DGAT2: variants seen among roughly 807,000 people sequenced by gnomAD.
The protein encoded by DGAT2 is diacylglycerol O-acyltransferase 2.
DGAT2 carries 33 observed loss-of-function variants against 48.4 expected under a neutral mutation model. The ratio of observed to expected loss-of-function variants is 0.68; its 90% CI spans 0.52 to 0.91. DGAT2 has a LOEUF of 0.91. DGAT2 is among the 40% of genes least tolerant of loss of function. DGAT2 has a pLI of 0.00. For missense variants in DGAT2, 446 were observed against 493.7 expected (o/e 0.90, Z 0.92); for synonymous variants, 191 against 194.1 (o/e 0.98, Z 0.13).
In DGAT2 at chr11:75,796,251, A is replaced by T. The variant is rs192137582; in HGVS notation, c.430-77A>T. 9.2e-6 allele frequency: 12 copies of T among 1,303,956 alleles called. No homozygotes were observed. The African/African-American group carries it at 1.6e-4, about 17-fold the overall frequency. 80.8% of individuals were successfully genotyped at this position (1,303,956 alleles called of 1,614,324 possible). A position where few individuals can be genotyped will look rare whatever the true frequency, so the allele number is the denominator to read the frequency against. On this transcript the variant is annotated intron_variant, in intron 4 of 7. Transcript: ENST00000228027. The stretch of plus-strand genomic sequence containing the variant: ...AGGTCCAGGGGAAATGACACATCCA[A>T]TCCCTCCCTACCCTCCGGGTATGCC...
At chr11:75,797,046 T>C in intron 5 of DGAT2, 112 bp from the exon 6 acceptor site, 2 of 1,097,772 alleles carry the variant, frequency 1.8e-6, no homozygotes, top group African/African-American at 1.6e-5. Flanking sequence ...GGGGCTGGGC[T>C]AGGTCTGGGG....
At chr11:75,777,486 T>C (rs1239246299) in intron 1 of DGAT2, among the ~76,000 whole-genome samples, 1 of 152,214 alleles carries the variant, frequency 6.6e-6, no homozygotes, top group Non-Finnish European at 1.5e-5. Context: ...ATAGAGATCT[T>C]TACTTTTTAT....
intron 5 of DGAT2, 52 bp downstream of exon 5, chr11:75,796,584 C>G (rs1945057709): frequency 6.4e-7 from 1 of 1,569,044 alleles, no homozygotes; most frequent in African/African-American, 1.4e-5. Flanking sequence ...AAGGCCTGAG[C>G]CTCTCCATCG....
At chr11:75,783,508 C>T (rs1003596130) in intron 1 of DGAT2, among the ~76,000 whole-genome samples, 1 of 152,186 alleles carries the variant, frequency 6.6e-6, no homozygotes, top group Non-Finnish European at 1.5e-5. Context: ...GTTGAAAGGT[C>T]ATGAGACCCT....
chr11:75,784,818 C>CT, intron 2 of DGAT2, 72 bp downstream of exon 2: 5 of 1,582,054 alleles, frequency 3.2e-6, no homozygotes, highest in Non-Finnish European at 4.3e-6. Flanking sequence ...AGAGCAGGAG[C>CT]CCTGCTCTAC....
At chr11:75,772,040 C>G (rs182396760) in intron 1 of DGAT2, among the ~76,000 whole-genome samples, 10 of 152,264 alleles carry the variant, frequency 6.6e-5, no homozygotes, top group East Asian at 1.9e-4. Context: ...GATCCATCTC[C>G]CAGTCTGTGG....
chr11:75,790,314 T>C lies in DGAT2; in HGVS notation c.358+19T>C, dbSNP rs1321867143. On this transcript the variant is annotated intron_variant, in intron 3 of 7. Coordinates refer to ENST00000228027, the MANE Select transcript of DGAT2 (RefSeq NM_032564.5). ...AAGAAAGGTAAGTGCAAGGCCTCCC[T>C]TGCCCCACCTCTCATTCTAGGGATG... 1.3e-6 allele frequency: 2 copies of C among 1,577,258 alleles called. No homozygotes were observed. Among genetic ancestry groups the C allele is most frequent in the Non-Finnish European group, 1.7e-6 (2 of 1,146,624 alleles).
Position 75,797,170 on chromosome 11 carries a change from T to G in DGAT2, c.647T>G (p.Val216Gly). 2.0e-6 allele frequency: 3 copies of G among 1,492,388 alleles called. No homozygotes were observed. The South Asian group carries it at 4.1e-5, about 20-fold the overall frequency. 92.4% of individuals were successfully genotyped at this position (1,492,388 alleles called of 1,614,324 possible). A position where few individuals can be genotyped will look rare whatever the true frequency, so the allele number is the denominator to read the frequency against. Residue 216 changes from valine to glycine, a missense_variant, in exon 6 of 8, where the codon GTC becomes GGC. Val to Gly is a moderately radical substitution (Grantham distance 109, BLOSUM62 -3). Coordinates refer to ENST00000228027, the MANE Select transcript of DGAT2 (RefSeq NM_032564.5). ...EYLMSGGICP[V>G]SRDTIDYLLS... Reference sequence around the variant, plus strand: ...TCCCTCCCCTCAGGTATCTGCCCTGTCAGCCGGGACACCATAGACTATTTG... The same window carrying G: ...TCCCTCCCCTCAGGTATCTGCCCTGGCAGCCGGGACACCATAGACTATTTG...
At chr11:75,780,417 C>T (rs905134401) in intron 1 of DGAT2, among the ~76,000 whole-genome samples, 3 of 152,138 alleles carry the variant, frequency 2.0e-5, no homozygotes, top group African/African-American at 4.8e-5. Context: ...TGACAGGAGT[C>T]CTCAGGAGGG....
At position 75,801,533 on chromosome 11, in the gene DGAT2, T is replaced by C. The variant is rs545925112; in HGVS notation, c.*1025T>C. On this transcript the variant is annotated 3_prime_UTR_variant, in exon 8 of 8. Coordinates refer to ENST00000228027, the MANE Select transcript of DGAT2 (RefSeq NM_032564.5). ...TGAAAATAAATGAAAGTGAGAATCCTCTATGAGTTATTGCTGGGGCTGCAT... is the reference window on the plus strand; with the variant it reads ...TGAAAATAAATGAAAGTGAGAATCCCCTATGAGTTATTGCTGGGGCTGCAT... 1 of 152,794 alleles carries C rather than the reference T, an allele frequency of 6.5e-6. No homozygotes were observed. Among genetic ancestry groups the C allele is most frequent in the South Asian group, 2.1e-4 (1 of 4,828 alleles). The allele number at this position is 152,794 out of a possible 1,614,324, so 9.5% of individuals were successfully genotyped here. A position where few individuals can be genotyped will look rare whatever the true frequency, so the allele number is the denominator to read the frequency against.
At chr11:75,784,459 T>G in intron 1 of DGAT2, 159 bp from the exon 2 acceptor site, 2 of 921,320 alleles carry the variant, frequency 2.2e-6, no homozygotes, top group Non-Finnish European at 3.2e-6. Flanking sequence ...TACAAAGCCA[T>G]GAGGTGGAGG....
chr11:75,780,675 G>A (rs1012913256), intron 1 of DGAT2, among the ~76,000 whole-genome samples: 5 of 152,182 alleles, frequency 3.3e-5, no homozygotes, highest in Admixed American at 3.3e-4. Flanking sequence ...CTGCTTTGTT[G>A]TGGGGAGCAG....
At chr11:75,786,166 G>A (rs552256872) in intron 2 of DGAT2, among the ~76,000 whole-genome samples, 4 of 151,774 alleles carry the variant, frequency 2.6e-5, no homozygotes, top group Non-Finnish European at 5.9e-5. Context: ...ACAAACACTG[G>A]TTGGAAGAAC....
At chr11:75,796,553 C>T in intron 5 of DGAT2, 21 bp downstream of exon 5, 1 of 1,607,164 alleles carries the variant, frequency 6.2e-7, no homozygotes. Context: ...ACCCCCTGTG[C>T]TCCTGCTGGG....
intron 4 of DGAT2, among the ~76,000 whole-genome samples, chr11:75,791,797 C>T (rs1403664545): frequency 6.6e-6 from 1 of 152,200 alleles, no homozygotes; most frequent in African/African-American, 2.4e-5. Flanking sequence ...CACCATTGCT[C>T]CCTGTCCAGT....
intron 1 of DGAT2, among the ~76,000 whole-genome samples, chr11:75,775,046 A>G (rs777398579): frequency 6.6e-6 from 1 of 152,176 alleles, no homozygotes; most frequent in Non-Finnish European, 1.5e-5. Context: ...TGAAAACGGA[A>G]TACACAAAAA....
At chr11:75,774,714 C>G (rs1944788592) in intron 1 of DGAT2, among the ~76,000 whole-genome samples, 1 of 152,226 alleles carries the variant, frequency 6.6e-6, no homozygotes, top group South Asian at 2.1e-4. Context: ...CACTCATCCA[C>G]TTGGGGCCAA....
chr11:75,770,658 AG>A (rs1469905774), intron 1 of DGAT2, among the ~76,000 whole-genome samples: 3 of 152,130 alleles, frequency 2.0e-5, no homozygotes, highest in Non-Finnish European at 4.4e-5. Flanking sequence ...TGTGTCTTCC[AG>A]GAGGCAGTGA....
chr11:75,769,246 T>TA (rs773987661), intron 1 of DGAT2, 134 bp downstream of exon 1: 5 of 1,144,690 alleles, frequency 4.4e-6, no homozygotes, highest in Non-Finnish European at 5.7e-6. Flanking sequence ...CGACCTCTGT[T>TA]ACATCGCTTT....
Sources: gnomAD v4.1 joint callset for allele counts (sites outside exome capture counted in the v4.1 genomes callset) on GRCh38, gnomAD v4.1.1 for gene constraint, MANE v1.5 for transcripts, NCBI Gene and HGNC (gene_info 2026-07-23, HGNC 2026-07-21) for gene names.